RANBP2: variants seen among roughly 807,000 people sequenced by gnomAD.
RANBP2 encodes the protein E3 SUMO-protein ligase RanBP2.
A neutral mutation model predicts 303.6 loss-of-function variants in RANBP2; 57 were observed. The ratio of observed to expected loss-of-function variants is 0.19; its 90% CI spans 0.15 to 0.23. The LOEUF is 0.23. RANBP2 is among the 10% of genes least tolerant of loss of function. The pLI is 1.00. For synonymous variants in RANBP2, 1,167 were observed against 1,301.5 expected (o/e 0.90, Z 2.23); for missense variants, 3,138 against 3,780.8 (o/e 0.83, Z 4.46).
In RANBP2 at chr2:108,782,520, C is replaced by T. The variant is rs2149332616; in HGVS notation, c.9035-8C>T. On this transcript the variant is annotated splice_region_variant and splice_polypyrimidine_tract_variant and intron_variant, in intron 27 of 28. Coordinates refer to ENST00000283195, the MANE Select transcript of RANBP2 (RefSeq NM_006267.5). Reference sequence around the variant, plus strand: ...AAGGTCACTGCTTCCCCTTTCCCTCCCTGCCAGATGGAGAAGCAAAAGTAG... The same window carrying T: ...AAGGTCACTGCTTCCCCTTTCCCTCTCTGCCAGATGGAGAAGCAAAAGTAG... 1 of 1,613,988 alleles carries T rather than the reference C, an allele frequency of 6.2e-7. No homozygotes were observed. Among genetic ancestry groups the T allele is most frequent in the East Asian group, 2.2e-5 (1 of 44,890 alleles).
At chr2:109,540,550 C>T in the RANBP2 span, among the ~76,000 whole-genome samples, 1 of 151,814 alleles carries the variant, frequency 6.6e-6, no homozygotes, top group Non-Finnish European at 1.5e-5. Context: ...TATGGCCAGG[C>T]ACAATGGCTC....
the RANBP2 span, among the ~76,000 whole-genome samples, chr2:109,351,613 T>G: frequency 6.6e-6 from 1 of 152,248 alleles, no homozygotes; most frequent in East Asian, 1.9e-4. Context: ...CTGCTTTTCA[T>G]GAGTTCCAGC....
chr2:109,156,294 A>G, the RANBP2 span, among the ~76,000 whole-genome samples: 1 of 152,268 alleles, frequency 6.6e-6, no homozygotes, highest in Non-Finnish European at 1.5e-5. Flanking sequence ...TCTCATCTTC[A>G]GTGTTTTCTC....
chr2:109,379,358 G>T, the RANBP2 span, among the ~76,000 whole-genome samples: 81,764 of 152,074 alleles, frequency 0.54, 22,344 homozygotes, highest in African/African-American at 0.63. Context: ...TTAAAGTCAT[G>T]GTTTACCATG....
chr2:109,031,223 A>T, the RANBP2 span, among the ~76,000 whole-genome samples: 1 of 152,152 alleles, frequency 6.6e-6, no homozygotes, highest in Non-Finnish European at 1.5e-5. Flanking sequence ...GAAGTCCACC[A>T]TCAAGGTGTC....
chr2:109,369,501 C>G, the RANBP2 span, among the ~76,000 whole-genome samples: 3 of 152,240 alleles, frequency 2.0e-5, no homozygotes, highest in Middle Eastern at 3.4e-3. Context: ...TTTTTCTGGC[C>G]TATAATGTCA....
the RANBP2 span, among the ~76,000 whole-genome samples, chr2:109,447,611 C>T: frequency 6.6e-6 from 1 of 152,132 alleles, no homozygotes; most frequent in African/African-American, 2.4e-5. Flanking sequence ...TGATGCTCAG[C>T]CCAGGTCTCC....
the RANBP2 span, among the ~76,000 whole-genome samples, chr2:109,450,244 G>A: frequency 6.6e-6 from 1 of 152,058 alleles, no homozygotes; most frequent in African/African-American, 2.4e-5. Flanking sequence ...TACCTAGGAG[G>A]CTGAGGCAGG....
chr2:109,460,604 G>C, the RANBP2 span, among the ~76,000 whole-genome samples: 1 of 152,212 alleles, frequency 6.6e-6, no homozygotes. Flanking sequence ...AATTACTAAA[G>C]TCCTCCTCTG....
At chr2:109,612,851 A>AT in the RANBP2 span, among the ~76,000 whole-genome samples, 1 of 152,196 alleles carries the variant, frequency 6.6e-6, no homozygotes. Flanking sequence ...CAGGTTCTAT[A>AT]AAACAAACCA....
At chr2:108,770,852 G>A (rs1433362445) in intron 20 of RANBP2, among the ~76,000 whole-genome samples, 3 of 151,968 alleles carry the variant, frequency 2.0e-5, no homozygotes, top group South Asian at 2.1e-4. Context: ...CTGTTAGCAC[G>A]TCTTGATTTG....
At chr2:108,907,649 CA>C in the RANBP2 span, among the ~76,000 whole-genome samples, 129,644 of 144,096 alleles carry the variant, frequency 0.9, 58,207 homozygotes, top group East Asian at 0.97. Flanking sequence ...CTCTCATCTC[CA>C]AAAAAAAAAA....
chr2:109,086,284 G>A, the RANBP2 span, among the ~76,000 whole-genome samples: 49 of 152,236 alleles, frequency 3.2e-4, no homozygotes, highest in African/African-American at 1.2e-3. Flanking sequence ...GAGGGGGGCG[G>A]TCATTGTAAA....
At position 108,784,576 on chromosome 2, in the gene RANBP2, C is replaced by G. The variant is rs1192403193; in HGVS notation, c.*675C>G. The G allele has an allele frequency of 1.3e-5, 2 of 152,568 alleles. No homozygotes were observed. The highest frequency in any genetic ancestry group is 4.8e-5 in the African/African-American group (2 of 41,440). 9.5% of individuals were successfully genotyped at this position (152,568 alleles called of 1,614,324 possible). A position where few individuals can be genotyped will look rare whatever the true frequency, so the allele number is the denominator to read the frequency against. On this transcript the variant is annotated 3_prime_UTR_variant, in exon 29 of 29. Transcript: ENST00000283195. The stretch of plus-strand genomic sequence containing the variant: ...ACTATTTCCTTTAGGGGTTTTGTTT[C>G]AAACTTTTCTGTCATCTGTCTCTAC...
At chr2:109,287,592 A>G in the RANBP2 span, among the ~76,000 whole-genome samples, 14 of 152,120 alleles carry the variant, frequency 9.2e-5, no homozygotes, top group East Asian at 1.9e-4. Context: ...CATCTGCACT[A>G]TATACCCAGG....
chr2:108,969,336 TG>T, the RANBP2 span, among the ~76,000 whole-genome samples: 1 of 152,190 alleles, frequency 6.6e-6, no homozygotes, highest in African/African-American at 2.4e-5. Flanking sequence ...TTCTTGGTCT[TG>T]TTCTTGCTGC....
the RANBP2 span, among the ~76,000 whole-genome samples, chr2:109,444,651 G>A: frequency 6.6e-6 from 1 of 152,176 alleles, no homozygotes; most frequent in African/African-American, 2.4e-5. Context: ...CCTCTCTGCA[G>A]GACCAGAACT....
the RANBP2 span, among the ~76,000 whole-genome samples, chr2:109,138,284 C>T: frequency 6.6e-6 from 1 of 152,190 alleles, no homozygotes; most frequent in Non-Finnish European, 1.5e-5. Context: ...GCCTTGGCCT[C>T]CCAAAGTGCT....
At chr2:109,204,503 A>G in the RANBP2 span, among the ~76,000 whole-genome samples, 1 of 152,020 alleles carries the variant, frequency 6.6e-6, no homozygotes, top group South Asian at 2.1e-4. Context: ...CTTATTCTAG[A>G]CTAGTTTCTC....
Sources: allele counts gnomAD v4.1 joint callset (sites outside exome capture counted in the v4.1 genomes callset), GRCh38; gene constraint gnomAD v4.1.1; transcripts MANE v1.5; gene names NCBI Gene and HGNC (gene_info 2026-07-23, HGNC 2026-07-21).